Variants in TRRAP observed in about 807,000 individuals in gnomAD.
TRRAP encodes transformation/transcription domain associated protein, also known as transformation/transcription domain-associated protein.
Under a neutral mutation model 438.8 loss-of-function variants are expected in TRRAP, and 41 were observed. The observed-to-expected ratio is 0.09, with a 90% CI of 0.07 to 0.12. The LOEUF (loss-of-function observed/expected upper bound fraction) is 0.12, where lower values mean the gene tolerates loss of function less well. TRRAP is among the 10% of genes least tolerant of loss of function. The pLI, the probability that TRRAP is intolerant of heterozygous loss-of-function variation, is 1.00. For missense variants in TRRAP, 3,122 were observed against 5,055.1 expected (o/e 0.62, Z 11.60); for synonymous variants, 1,994 against 1,962.9 (o/e 1.02, Z -0.42).
chr7:98,915,437 C>T (rs998259863), intron 18 of TRRAP, among the ~76,000 whole-genome samples: 2 of 152,320 alleles, frequency 1.3e-5, no homozygotes, highest in African/African-American at 4.8e-5. Flanking sequence ...GGTAATCTGC[C>T]TGCCTTGGCC....
At chr7:98,973,732 C>T (rs566043267) in intron 53 of TRRAP, among the ~76,000 whole-genome samples, 2 of 152,314 alleles carry the variant, frequency 1.3e-5, no homozygotes, top group Admixed American at 6.5e-5. Context: ...GAGCTGCAGA[C>T]GTCAGCCATA....
Position 98,943,799 on chromosome 7 carries a change from T to TGG in TRRAP, c.4473+783_4473+784insGG, listed in dbSNP as rs552703017. 6.6e-5 allele frequency among the ~76,000 whole-genome samples: 10 copies of TGG among 152,260 alleles called. No homozygotes were observed. In the South Asian group the frequency reaches 2.1e-3, roughly 31 times the overall value. On this transcript the variant is annotated intron_variant, in intron 31 of 72. Coordinates refer to ENST00000456197, the MANE Select transcript of TRRAP (RefSeq NM_001375524.1). Reference sequence around the variant, plus strand: ...TGAGTTTCATAATCCCAGTGAAACATGACAGCAGTATTCCTATTAGGGACT... The same window carrying TGG: ...TGAGTTTCATAATCCCAGTGAAACATGGGACAGCAGTATTCCTATTAGGGACT...
chr7:98,943,561 T>G (rs2086638330), intron 31 of TRRAP, among the ~76,000 whole-genome samples: 2 of 152,232 alleles, frequency 1.3e-5, no homozygotes, highest in Non-Finnish European at 2.9e-5. Flanking sequence ...TTTGCCCAGT[T>G]ATATGACTGG....
intron 67 of TRRAP, among the ~76,000 whole-genome samples, chr7:99,001,493 A>T (rs1793917923): frequency 6.6e-6 from 1 of 152,198 alleles, no homozygotes; most frequent in East Asian, 1.9e-4. Flanking sequence ...AAATCAAAAA[A>T]GTAGAGAATC....
Position 99,005,455 on chromosome 7 carries a change from T to G in TRRAP, c.10753+107T>G. On this transcript the variant is annotated intron_variant, in intron 69 of 72. Transcript: ENST00000456197. The surrounding 1 kb of genome is among the most constrained non-coding windows in gnomAD (Gnocchi z 5.1). ...GGCAGCTCACGTTAGCCTTTGAGGG[T>G]CCAGCTGCGTCAGCAGAGAATGTTG... is the stretch of plus-strand genomic sequence containing the variant. 2 of 1,036,164 alleles carry G rather than the reference T, an allele frequency of 1.9e-6. No individual in the cohort carries two copies. Among genetic ancestry groups the G allele is most frequent in the East Asian group, 4.8e-5 (2 of 41,692 alleles). 64.2% of individuals were successfully genotyped at this position (1,036,164 alleles called of 1,614,324 possible).
intron 38 of TRRAP, 32 bp downstream of exon 38, chr7:98,950,294 T>C (rs781920210): frequency 6.2e-7 from 1 of 1,609,192 alleles, no homozygotes; most frequent in South Asian, 1.1e-5. Flanking sequence ...TAGAAGGGTA[T>C]GGGTATTTGG....
intron 68 of TRRAP, 77 bp downstream of exon 68, chr7:99,004,492 G>A (rs1468621763): frequency 9.2e-6 from 12 of 1,302,356 alleles, no homozygotes; most frequent in Non-Finnish European, 1.3e-5. Flanking sequence ...CTCCAGGGTG[G>A]ACCCTGTGGG....
At chr7:98,928,947 T>C (rs1393851645) in intron 23 of TRRAP, among the ~76,000 whole-genome samples, 1 of 151,102 alleles carries the variant, frequency 6.6e-6, no homozygotes, top group Middle Eastern at 3.2e-3. Flanking sequence ...CTAATTTTTT[T>C]TTTTTTTTCA....
At chr7:98,929,469 CAG>C (rs1790223080) in intron 23 of TRRAP, among the ~76,000 whole-genome samples, 1 of 152,152 alleles carries the variant, frequency 6.6e-6, no homozygotes, top group South Asian at 2.1e-4. Flanking sequence ...GAAAATAACA[CAG>C]TGTATCATAG....
At position 98,929,994 on chromosome 7, in the gene TRRAP, T is replaced by C. The variant is rs1281711980; in HGVS notation, c.3181T>C (p.Phe1061Leu). 1 of 1,614,004 alleles carries C rather than the reference T, an allele frequency of 6.2e-7. No individual in the cohort carries two copies. Among genetic ancestry groups the C allele is most frequent in the Non-Finnish European group, 8.5e-7 (1 of 1,180,018 alleles). The change falls in exon 24 of 73, where the codon TTC becomes CTC. Residue 1061 changes from phenylalanine to leucine, a missense_variant. This residue lies in a region of TRRAP where 54 missense variants were observed against 74.6 expected (regional missense o/e 0.72). Coordinates refer to ENST00000456197, the MANE Select transcript of TRRAP (RefSeq NM_001375524.1). ...CTTCCCATCTCTCCTTTTAGGCCCT[T>C]TCTTGCTGCCTTGCTACCAGGTGGG... ...MVAVAQQCGP[F>L]LLPCYQVGSQ...
At chr7:98,978,373 A>G (rs1181741985) in intron 57 of TRRAP, 50 bp downstream of exon 57, 2 of 1,510,928 alleles carry the variant, frequency 1.3e-6, no homozygotes, top group South Asian at 1.2e-5. Context: ...TAAGGGAACC[A>G]GGGAAAAATC....
In TRRAP at chr7:98,970,092, C is replaced by T. The variant is rs1043376934; in HGVS notation, c.7513-20C>T. The T allele has an allele frequency of 4.3e-6, 7 of 1,612,184 alleles. No homozygotes were observed. The highest frequency in any genetic ancestry group is 4.2e-6 in the Non-Finnish European group (5 of 1,179,110). ...CCACGCGCATGCCTTGGGTCTGTCT[C>T]CTTTCCGCACCCCTTGCAGCTGCTT... On this transcript the variant is annotated intron_variant, in intron 51 of 72. Coordinates refer to ENST00000456197, the MANE Select transcript of TRRAP (RefSeq NM_001375524.1).
At chr7:98,999,372 G>A in intron 67 of TRRAP, 1 of 1,388,878 alleles carries the variant, frequency 7.2e-7, no homozygotes, top group Admixed American at 1.7e-5. Context: ...ATCCTGCACA[G>A]CTCTCTCATC....
chr7:98,908,124 G>T lies in TRRAP; in HGVS notation c.1116-604G>T, dbSNP rs1339071631. 6.6e-6 allele frequency among the ~76,000 whole-genome samples: 1 copy of T among 152,218 alleles called. No individual in the cohort carries two copies. Among genetic ancestry groups the T allele is most frequent in the Non-Finnish European group, 1.5e-5 (1 of 68,044 alleles). On this transcript the variant is annotated intron_variant, in intron 13 of 72. Coordinates refer to ENST00000456197, the MANE Select transcript of TRRAP (RefSeq NM_001375524.1). This position sits in a 1 kb window ranked among gnomAD's most constrained non-coding sequence, Gnocchi z 4.1. The stretch of plus-strand genomic sequence containing the variant: ...CTGGAACCCTGTTTAAGAATAGCTT[G>T]CCCCACTCATCTTTCTCATGTGCCC...
chr7:98,891,834 G>A lies in TRRAP; in HGVS notation c.262-590G>A, dbSNP rs149453128. Among the ~76,000 whole-genome samples, 416 of 152,194 alleles carry A rather than the reference G, an allele frequency of 2.7e-3. 4 individuals carry two copies. Among genetic ancestry groups the A allele is most frequent in the African/African-American group, 9.6e-3 (400 of 41,534 alleles). On this transcript the variant is annotated intron_variant, in intron 4 of 72. Transcript: ENST00000456197. ...ATTACAGGCGTGAGCCACCGCGCCC[G>A]GCCCAGCATGTAGCTCTTAAAAATA...
intron 30 of TRRAP, among the ~76,000 whole-genome samples, chr7:98,941,840 G>C (rs936488369): frequency 6.6e-6 from 1 of 152,042 alleles, no homozygotes; most frequent in African/African-American, 2.4e-5. Flanking sequence ...TGGGAAACGC[G>C]GCTTCTCAAA....
At position 99,005,419 on chromosome 7, in the gene TRRAP, TG is replaced by T; in HGVS notation, c.10753+75del. 6.9e-7 allele frequency: 1 copy of T among 1,454,886 alleles called. No individual in the cohort carries two copies. Among genetic ancestry groups the T allele is most frequent in the Non-Finnish European group, 9.6e-7 (1 of 1,039,506 alleles). The allele number at this position is 1,454,886 out of a possible 1,614,324, so 90.1% of individuals were successfully genotyped here. A position where few individuals can be genotyped will look rare whatever the true frequency, so the allele number is the denominator to read the frequency against. Reference sequence around the variant, plus strand: ...AGGTGGGGATGAGAGCCACACCTCGTGGGGTGCACAGGCAGCTCACGTTAGC... The same window carrying T: ...AGGTGGGGATGAGAGCCACACCTCGTGGGTGCACAGGCAGCTCACGTTAGC... On this transcript the variant is annotated intron_variant, in intron 69 of 72. Coordinates refer to ENST00000456197, the MANE Select transcript of TRRAP (RefSeq NM_001375524.1). This position sits in a 1 kb window ranked among gnomAD's most constrained non-coding sequence, Gnocchi z 5.1.
intron 48 of TRRAP, among the ~76,000 whole-genome samples, chr7:98,964,981 G>A (rs986364278): frequency 1.3e-5 from 2 of 152,218 alleles, no homozygotes; most frequent in African/African-American, 2.4e-5. Flanking sequence ...AGCTGGGTAC[G>A]GTGGCACGCC....
At chr7:98,980,062 A>G (rs1266398739) in intron 58 of TRRAP, among the ~76,000 whole-genome samples, 14 of 152,198 alleles carry the variant, frequency 9.2e-5, no homozygotes, top group Admixed American at 9.2e-4. Flanking sequence ...CATTGGTGCC[A>G]ATGTGGAGGG....
Sources: allele counts gnomAD v4.1 joint callset (sites outside exome capture counted in the v4.1 genomes callset), GRCh38; gene constraint gnomAD v4.1.1; regional missense constraint gnomAD v4.1.1; non-coding constraint Gnocchi (gnomAD v3.1); transcripts MANE v1.5; gene names NCBI Gene and HGNC (gene_info 2026-07-23, HGNC 2026-07-21).